The following TPPP2 variants were observed in gnomAD, a reference collection of about 807,000 sequenced individuals.
The protein encoded by TPPP2 is tubulin polymerization promoting protein family member 2, also known as tubulin polymerization-promoting protein family member 2.
In TPPP2, 8 loss-of-function variants were observed where a neutral mutation model predicts 13.0. That is an observed-to-expected ratio of 0.62 (90% CI 0.36 to 1.11). The LOEUF is 1.11. Among genes scored for constraint, TPPP2 ranks in the 50% most tolerant of loss-of-function variants. The pLI is 0.02. For synonymous variants in TPPP2, 81 were observed against 81.8 expected (o/e 0.99, Z 0.05); for missense variants, 213 against 216.9 (o/e 0.98, Z 0.11).
At chr14:21,028,876 A>C (rs1883875357), upstream of TPPP2, 2 of 152,244 alleles carry the variant, frequency 1.3e-5, no homozygotes, top group Admixed American at 1.3e-4. Context: ...GAAAAAAAAT[A>C]GAAAGTGGTG....
upstream of TPPP2, among the ~76,000 whole-genome samples, chr14:21,026,388 C>T (rs908036556): frequency 1.3e-5 from 2 of 150,318 alleles, no homozygotes; most frequent in African/African-American, 4.9e-5. Flanking sequence ...GGGGGCTGGG[C>T]GCCAGGCCAG....
Position 21,030,283 on chromosome 14 carries a change from A to G in TPPP2, c.-91A>G, listed in dbSNP as rs1034354788. 5.8e-6 allele frequency: 2 copies of G among 347,130 alleles called. No homozygotes were observed. The highest frequency in any genetic ancestry group is 4.1e-5 in the African/African-American group (2 of 48,250). 21.5% of individuals were successfully genotyped at this position (347,130 alleles called of 1,614,324 possible). A position where few individuals can be genotyped will look rare whatever the true frequency, so the allele number is the denominator to read the frequency against. On this transcript the variant is annotated 5_prime_UTR_variant, in exon 1 of 4. Coordinates refer to ENST00000321760, the MANE Select transcript of TPPP2 (RefSeq NM_173846.5). ...AAATACAAAGGCCGGGAAGGGTCAG[A>G]CCACCATCCGGGTACTCTAAGGTAC...
chr14:21,030,994 T>C lies in TPPP2; in HGVS notation c.174-18T>C. On this transcript the variant is annotated intron_variant, in intron 2 of 3. Transcript: ENST00000321760. ...CATTCATGCTCCAAAGTTTCTGGAT[T>C]TCTGTCTAACTGACCAGGGCCAAGA... 3.1e-6 allele frequency: 5 copies of C among 1,587,950 alleles called. No homozygotes were observed. Among genetic ancestry groups the C allele is most frequent in the Non-Finnish European group, 4.3e-6 (5 of 1,167,884 alleles).
downstream of TPPP2, chr14:21,034,052 C>T (rs2139090888): frequency 2.5e-6 from 4 of 1,614,150 alleles, no homozygotes; most frequent in Non-Finnish European, 3.4e-6. Flanking sequence ...GGATGGCCTT[C>T]CAAGGGGCAT....
chr14:21,035,073 A>G (rs932937967), downstream of TPPP2, among the ~76,000 whole-genome samples: 25 of 152,228 alleles, frequency 1.6e-4, no homozygotes, highest in Non-Finnish European at 5.9e-5. Context: ...AGCATTCGCC[A>G]CTTTGTCATC....
intron 3 of TPPP2, 37 bp downstream of exon 3, chr14:21,031,202 C>T (rs1406043869): frequency 6.2e-7 from 1 of 1,603,616 alleles, no homozygotes; most frequent in Non-Finnish European, 8.5e-7. Context: ...CCCTACTTCC[C>T]TAAATCCCCA....
intron 1 of TPPP2, chr14:21,024,853 AAC>A: frequency 2.0e-6 from 2 of 985,574 alleles, no homozygotes; most frequent in African/African-American, 3.5e-5. Context: ...GCGCACCCCA[AAC>A]ACGCCCTGCA....
upstream of TPPP2, among the ~76,000 whole-genome samples, chr14:21,029,552 A>G (rs764757330): frequency 6.6e-6 from 1 of 152,220 alleles, no homozygotes; most frequent in East Asian, 1.9e-4. Flanking sequence ...CCCCAGGATC[A>G]TGCCACTGCA....
chr14:21,033,791 G>T, downstream of TPPP2: 3 of 1,373,236 alleles, frequency 2.2e-6, no homozygotes, highest in Non-Finnish European at 3.1e-6. Flanking sequence ...GGCCTGTGGT[G>T]GTAGAGGTTG....
At chr14:21,025,670 C>T (rs1435131666), upstream of TPPP2, 13 of 984,746 alleles carry the variant, frequency 1.3e-5, no homozygotes, top group South Asian at 4.7e-5. This position sits in a 1 kb window ranked among gnomAD's most constrained non-coding sequence, Gnocchi z 5.1. Context: ...GCCCAGAGTC[C>T]TGGTACCTCT....
downstream of TPPP2, chr14:21,033,724 G>T: frequency 1.1e-6 from 1 of 918,780 alleles, no homozygotes; most frequent in Non-Finnish European, 1.8e-6. Context: ...TGCCTGCCTC[G>T]TAAGTCAGGA....
upstream of TPPP2, chr14:21,029,298 T>A (rs1010094514): frequency 6.6e-6 from 1 of 152,224 alleles, no homozygotes; most frequent in Non-Finnish European, 1.5e-5. Context: ...CACAGATTCA[T>A]ATATTAAAAT....
At chr14:21,031,839 G>A (rs1884196069) in intron 3 of TPPP2, 53 bp from the exon 4 acceptor site, 1 of 1,578,276 alleles carries the variant, frequency 6.3e-7, no homozygotes. Context: ...TTGGGGAAGG[G>A]ATATGACAGC....
intron 1 of TPPP2, chr14:21,024,633 G>A (rs556786438): frequency 1.0e-6 from 1 of 984,382 alleles, no homozygotes; most frequent in Admixed American, 6.2e-5. Flanking sequence ...GAGAAAGGGA[G>A]AGGAGAGCGG....
At position 21,032,744 on chromosome 14, in the gene TPPP2, C is replaced by A. The variant is rs1057294807; in HGVS notation, c.*667C>A. On this transcript the variant is annotated 3_prime_UTR_variant, in exon 4 of 4. Coordinates refer to ENST00000321760, the MANE Select transcript of TPPP2 (RefSeq NM_173846.5). ...AGCTCAGGAAGATGGCCAGATGAGG[C>A]AGGCTGCCAGGATTCCAAGAGCAGG... The A allele has an allele frequency of 1.6e-5, 6 of 364,622 alleles. No individual in the cohort carries two copies. The highest frequency in any genetic ancestry group is 4.3e-5 in the African/African-American group (2 of 46,658). The allele number at this position is 364,622 out of a possible 1,614,324, so 22.6% of individuals were successfully genotyped here.
rs764949611 is a variant in TPPP2, at chr14:21,031,915, G to A, written c.351G>A (p.Val117=). The A allele has an allele frequency of 6.2e-7, 1 of 1,614,106 alleles. No homozygotes were observed. Among genetic ancestry groups the A allele is most frequent in the Non-Finnish European group, 8.5e-7 (1 of 1,180,006 alleles). Residue 117 remains valine (V), a synonymous_variant, in exon 4 of 4, where the codon GTG becomes GTA. Coordinates refer to ENST00000321760, the MANE Select transcript of TPPP2 (RefSeq NM_173846.5). ...AGAAAGCAACAACAGTGGGTGCAGT[G>A]GACCGTTTGACAGACACCAGCAAGT... is the stretch of plus-strand genomic sequence containing the variant. ...GATKATTVGA[V]DRLTDTSKYT...
At chr14:21,033,893 C>T, downstream of TPPP2, 1 of 1,614,064 alleles carries the variant, frequency 6.2e-7, no homozygotes, top group Non-Finnish European at 8.5e-7. Flanking sequence ...GGTAGAGCTT[C>T]TGGTTGGTTA....
chr14:21,029,960 C>T (rs756632472), upstream of TPPP2, among the ~76,000 whole-genome samples: 5 of 152,296 alleles, frequency 3.3e-5, no homozygotes, highest in Non-Finnish European at 7.4e-5. Context: ...TCCCTGGGCT[C>T]GCCTCAGCTT....
chr14:21,032,037 G>C lies in TPPP2; in HGVS notation c.473G>C (p.Gly158Ala). ...EMTDNTGYVS[G>A]YKGSGTYDKK... Reference sequence around the variant, plus strand: ...ACTGACAACACAGGCTATGTGAGTGGTTACAAGGGTTCTGGCACCTACGAT... The same window carrying C: ...ACTGACAACACAGGCTATGTGAGTGCTTACAAGGGTTCTGGCACCTACGAT... Residue 158 changes from glycine to alanine, a missense_variant, in exon 4 of 4, where the codon GGT (glycine) becomes GCT (alanine). Physicochemically the swap from Gly to Ala is moderately conservative, Grantham distance 60 (BLOSUM62 0). Transcript: ENST00000321760. 6.2e-7 allele frequency: 1 copy of C among 1,614,160 alleles called. No homozygotes were observed. Among genetic ancestry groups the C allele is most frequent in the Non-Finnish European group, 8.5e-7 (1 of 1,180,032 alleles).
Sources: allele counts gnomAD v4.1 joint callset (sites outside exome capture counted in the v4.1 genomes callset), GRCh38; gene constraint gnomAD v4.1.1; non-coding constraint Gnocchi (gnomAD v3.1); transcripts MANE v1.5; gene names NCBI Gene and HGNC (gene_info 2026-07-23, HGNC 2026-07-21).